Variants in NAA16 observed in about 807,000 individuals in gnomAD.
NAA16 encodes the protein NARG1-like protein.
In NAA16, 97 loss-of-function variants were observed where a neutral mutation model predicts 110.3. That is an observed-to-expected ratio of 0.88 (90% CI 0.75 to 1.04). The LOEUF (loss-of-function observed/expected upper bound fraction) is 1.04, where lower values mean the gene tolerates loss of function less well. Ranked by LOEUF, NAA16 falls within the 50% of genes least tolerant of loss-of-function variation. NAA16 has a pLI of 0.00. For missense variants in NAA16, 1,017 were observed against 1,005.1 expected, an observed-to-expected ratio of 1.01 and a Z score of -0.16; for synonymous variants, 372 against 330.6, an observed-to-expected ratio of 1.13 and a Z score of -1.36.
intron 10 of NAA16, among the ~76,000 whole-genome samples, chr13:41,356,184 C>T (rs575574105): frequency 6.7e-6 from 1 of 149,030 alleles, no homozygotes; most frequent in African/African-American, 2.6e-5. Context: ...TACGCGCGCA[C>T]ACGCGGGGGT....
intron 9 of NAA16, among the ~76,000 whole-genome samples, chr13:41,345,267 T>C (rs1180194601): frequency 6.6e-6 from 1 of 152,206 alleles, no homozygotes; most frequent in African/African-American, 2.4e-5. Context: ...ACTGTCAGAC[T>C]CTTTTTCCAA....
At chr13:41,363,950 G>A (rs117902491) in intron 13 of NAA16, among the ~76,000 whole-genome samples, 1 of 152,166 alleles carries the variant, frequency 6.6e-6, no homozygotes, top group East Asian at 1.9e-4. Flanking sequence ...TACATGTGTG[G>A]TTATATGTAG....
At chr13:41,355,663 C>T (rs1343414093) in intron 10 of NAA16, among the ~76,000 whole-genome samples, 4 of 152,094 alleles carry the variant, frequency 2.6e-5, no homozygotes, top group African/African-American at 7.2e-5. Flanking sequence ...TACCTGACCT[C>T]GTGATCCACC....
rs772613583 is a variant in NAA16, at chr13:41,374,004, C to T, written c.2299+224C>T. On this transcript the variant is annotated intron_variant, in intron 18 of 19. Transcript: ENST00000379406. ...TGTTTATTCAAAGGGTTTGTGATAACGGGCAAATACTTTTATAATAAATGT... is the reference window on the plus strand; with the variant it reads ...TGTTTATTCAAAGGGTTTGTGATAATGGGCAAATACTTTTATAATAAATGT... 9 of 509,780 alleles carry T rather than the reference C, an allele frequency of 1.8e-5. 1 individual carries two copies. Among genetic ancestry groups the T allele is most frequent in the Admixed American group, 4.9e-5 (1 of 20,422 alleles). The allele number at this position is 509,780 out of a possible 1,614,324, so 31.6% of individuals were successfully genotyped here. A position where few individuals can be genotyped will look rare whatever the true frequency, so the allele number is the denominator to read the frequency against.
At position 41,320,716 on chromosome 13, in the gene NAA16, A is replaced by G; in HGVS notation, c.294A>G (p.Glu98=). 1 of 1,612,526 alleles carries G rather than the reference A, an allele frequency of 6.2e-7. No individual in the cohort carries two copies. Among genetic ancestry groups the G allele is most frequent in the Non-Finnish European group, 8.5e-7 (1 of 1,179,784 alleles). ...LLQRSDKKYD[E]AIKCYRNALK... is the part of the protein sequence containing the mutation. ...AGCGTTCTGATAAAAAATATGATGA[A>G]GCTATAAAATGTTACCGAAATGCCC... Residue 98 remains glutamate (E), a synonymous_variant, in exon 4 of 20, where the codon GAA becomes GAG. Transcript: ENST00000379406.
chr13:41,318,885 TC>T lies in NAA16; in HGVS notation c.220del (p.Arg74ValfsTer27). 6.2e-7 allele frequency: 1 copy of T among 1,602,004 alleles called. No individual in the cohort carries two copies. The highest frequency in any genetic ancestry group is 1.1e-5 in the South Asian group (1 of 88,928). ...EAYEFVRKGL[R>X]NDVKSHVCWH... is the part of the protein sequence containing the mutation. ...CTTATGAGTTTGTTCGTAAAGGACT[TC>T]GTAATGATGTCAAGAGTCATGTCTG... On this transcript the variant is annotated frameshift_variant, in exon 3 of 20. Transcript: ENST00000379406. LOFTEE classifies it high-confidence loss of function.
In NAA16 at chr13:41,367,539, T is replaced by C. The variant is rs200515108; in HGVS notation, c.1640T>C (p.Ile547Thr). ...GTTGACCTTTTGAGATTAGAAGATA[T>C]ACTCAGAAGACATGCCTTTTATTTC... ...AYVDLLRLED[I>T]LRRHAFYFKA... Residue 547 changes from isoleucine to threonine, a missense_variant, in exon 14 of 20, where the codon ATA becomes ACA. By Grantham distance (89) the Ile-to-Thr change is moderately conservative. Coordinates refer to ENST00000379406, the MANE Select transcript of NAA16 (RefSeq NM_024561.5). 53 of 1,612,720 alleles carry C rather than the reference T, an allele frequency of 3.3e-5. No homozygotes were observed. In the African/African-American group the frequency reaches 5.6e-4, roughly 17 times the overall value.
chr13:41,324,957 GTT>G (rs145690016), intron 5 of NAA16, among the ~76,000 whole-genome samples: 7 of 119,428 alleles, frequency 5.9e-5, no homozygotes, highest in African/African-American at 1.3e-4. Context: ...TTTTAGTTTA[GTT>G]TTTTTTTTTT....
At chr13:41,349,403 A>G (rs912650148) in intron 9 of NAA16, among the ~76,000 whole-genome samples, 1 of 151,860 alleles carries the variant, frequency 6.6e-6, no homozygotes, top group Non-Finnish European at 1.5e-5. Context: ...GGCTGGTCTC[A>G]AACTCATGGC....
At chr13:41,358,274 T>C in intron 10 of NAA16, 30 bp from the exon 11 acceptor site, 1 of 1,568,250 alleles carries the variant, frequency 6.4e-7, no homozygotes, top group South Asian at 1.1e-5. Flanking sequence ...ACATTCTTTC[T>C]ATAATAATTT....
In NAA16 at chr13:41,362,156, A is replaced by AAG; in HGVS notation, c.1537_1538dup (p.His514GlyfsTer6). ...CCTTGAAAAAATGTCATGAAGTAGA[A>AAG]AGGGTAAGTTGTTAGAATTTCGACT... is the stretch of plus-strand genomic sequence containing the variant. On this transcript the variant is annotated frameshift_variant, in exon 13 of 20. Coordinates refer to ENST00000379406, the MANE Select transcript of NAA16 (RefSeq NM_024561.5). LOFTEE classifies it high-confidence loss of function. 1 of 1,599,560 alleles carries AAG rather than the reference A, an allele frequency of 6.3e-7. No individual in the cohort carries two copies. Among genetic ancestry groups the AAG allele is most frequent in the Non-Finnish European group, 8.5e-7 (1 of 1,175,238 alleles).
At chr13:41,367,411 G>A (rs2043227548) in intron 13 of NAA16, 28 bp from the exon 14 acceptor site, 1 of 1,488,204 alleles carries the variant, frequency 6.7e-7, no homozygotes, top group Non-Finnish European at 9.3e-7. Flanking sequence ...TAAATGTAAA[G>A]GTTAATTTTG....
In NAA16 at chr13:41,311,285, C is replaced by T. The variant is rs1034542170; in HGVS notation, c.-244C>T. ...CCATCTTGCAGTGCGCGGGAACCGC[C>T]GCCGCCGCCGCTGGCCAAAAAGCGG... On this transcript the variant is annotated 5_prime_UTR_variant, in exon 1 of 20. Transcript: ENST00000379406. The T allele has an allele frequency of 4.7e-5, 26 of 548,698 alleles. No homozygotes were observed. The highest frequency in any genetic ancestry group is 3.2e-4 in the African/African-American group (16 of 49,986). 34.0% of individuals were successfully genotyped at this position (548,698 alleles called of 1,614,324 possible). A position where few individuals can be genotyped will look rare whatever the true frequency, so the allele number is the denominator to read the frequency against.
At chr13:41,313,574 A>T (rs1477827418) in intron 1 of NAA16, among the ~76,000 whole-genome samples, 1 of 152,194 alleles carries the variant, frequency 6.6e-6, no homozygotes, top group African/African-American at 2.4e-5. Flanking sequence ...CAACAGTAAA[A>T]TTTTTTCTAT....
intron 12 of NAA16, among the ~76,000 whole-genome samples, chr13:41,360,426 A>G (rs1184290167): frequency 1.3e-5 from 2 of 152,166 alleles, no homozygotes; most frequent in Non-Finnish European, 2.9e-5. Context: ...CAAAACTTAA[A>G]GAAGTTCAGT....
At chr13:41,374,213 T>C (rs924379042) in intron 18 of NAA16, among the ~76,000 whole-genome samples, 1 of 152,064 alleles carries the variant, frequency 6.6e-6, no homozygotes, top group Non-Finnish European at 1.5e-5. Context: ...TCTTCTAATT[T>C]ATAGGAGAAA....
At chr13:41,343,857 A>G (rs561089620) in intron 9 of NAA16, among the ~76,000 whole-genome samples, 29 of 152,258 alleles carry the variant, frequency 1.9e-4, no homozygotes, top group African/African-American at 7.0e-4. Context: ...TTTTTTTTAT[A>G]GAGGTGGGGT....
intron 1 of NAA16, among the ~76,000 whole-genome samples, chr13:41,313,904 C>A (rs577266846): frequency 2.0e-5 from 3 of 151,490 alleles, no homozygotes; most frequent in African/African-American, 7.3e-5. Flanking sequence ...CTTTGTCGCC[C>A]AGGCTGGAGT....
intron 8 of NAA16, among the ~76,000 whole-genome samples, 179 bp downstream of exon 8, chr13:41,331,548 G>A (rs2042238824): frequency 6.6e-6 from 1 of 152,020 alleles, no homozygotes. Flanking sequence ...GTTAAATGTT[G>A]ATTTTAATAT....
Sources: allele counts gnomAD v4.1 joint callset (sites outside exome capture counted in the v4.1 genomes callset), GRCh38; gene constraint gnomAD v4.1.1; transcripts MANE v1.5; gene names NCBI Gene and HGNC (gene_info 2026-07-23, HGNC 2026-07-21).